Variants in PTPRM observed in about 807,000 individuals in gnomAD.
PTPRM encodes receptor-type tyrosine-protein phosphatase mu.
Under a neutral mutation model 186.7 loss-of-function variants are expected in PTPRM, and 47 were observed. The observed-to-expected ratio is 0.25, with a 90% confidence interval of 0.20 to 0.32. The LOEUF is 0.32. Ranked by LOEUF, PTPRM falls within the 10% of genes least tolerant of loss-of-function variation. The pLI is 1.00. For synonymous variants in PTPRM, 668 were observed against 674.9 expected, an observed-to-expected ratio of 0.99 and a Z score of 0.16; for missense variants, 1,494 against 1,865.0, an observed-to-expected ratio of 0.80 and a Z score of 3.66.
intron 14 of PTPRM, among the ~76,000 whole-genome samples, chr18:8,240,667 AAG>A (rs2094416576): frequency 8.4e-5 from 5 of 59,406 alleles, no homozygotes; most frequent in South Asian, 4.5e-4. Flanking sequence ...GAAAGAAAGA[AAG>A]AAAGAAAGAA....
chr18:7,596,961 C>T (rs1236035136), intron 1 of PTPRM, among the ~76,000 whole-genome samples: 1 of 151,944 alleles, frequency 6.6e-6, no homozygotes, highest in African/African-American at 2.4e-5. Flanking sequence ...TCAAGCGATT[C>T]TCGTGCTTCA....
chr18:7,745,605 A>G (rs1045388953), intron 1 of PTPRM, among the ~76,000 whole-genome samples: 1 of 152,230 alleles, frequency 6.6e-6, no homozygotes, highest in African/African-American at 2.4e-5. Context: ...TACTGATTAG[A>G]TCAATGTGGG....
At chr18:7,994,441 G>T (rs2083429899) in intron 7 of PTPRM, among the ~76,000 whole-genome samples, 1 of 152,058 alleles carries the variant, frequency 6.6e-6, no homozygotes, top group Non-Finnish European at 1.5e-5. Context: ...AATCAACAAA[G>T]AAATATTGGA....
intron 23 of PTPRM, among the ~76,000 whole-genome samples, chr18:8,365,590 C>G (rs2095623812): frequency 6.6e-6 from 1 of 152,222 alleles, no homozygotes; most frequent in African/African-American, 2.4e-5. Context: ...GTTAATCAAA[C>G]CACACTGATA....
At chr18:7,879,319 G>A (rs1364912553) in intron 2 of PTPRM, among the ~76,000 whole-genome samples, 2 of 152,150 alleles carry the variant, frequency 1.3e-5, no homozygotes, top group Non-Finnish European at 2.9e-5. Context: ...ACTTCTGGTT[G>A]TTACTTATGT....
chr18:7,595,331 T>TG (rs1225165607), intron 1 of PTPRM, among the ~76,000 whole-genome samples: 1 of 152,182 alleles, frequency 6.6e-6, no homozygotes, highest in East Asian at 1.9e-4. Flanking sequence ...TAAGCAACAT[T>TG]GATGCTTTCC....
Position 8,296,507 on chromosome 18 carries a change from A to G in PTPRM, c.2842+52A>G, listed in dbSNP as rs73939420. 0.013 allele frequency: 17,295 copies of G among 1,347,380 alleles called. 1,244 individuals are homozygous for G. The African/African-American group carries it at 0.18, about 14-fold the overall frequency. The allele number at this position is 1,347,380 out of a possible 1,614,324, so 83.5% of individuals were successfully genotyped here. ...GTTGTAGAACTTCCTTTTTGCATCTAGTAAGATTGACCACCAGGCTCATAC... is the reference window on the plus strand; with the variant it reads ...GTTGTAGAACTTCCTTTTTGCATCTGGTAAGATTGACCACCAGGCTCATAC... On this transcript the variant is annotated intron_variant, in intron 20 of 32. Transcript: ENST00000580170.
At chr18:7,980,933 C>T (rs1267100954) in intron 7 of PTPRM, among the ~76,000 whole-genome samples, 2 of 152,176 alleles carry the variant, frequency 1.3e-5, no homozygotes, top group African/African-American at 4.8e-5. Flanking sequence ...TGAGTTGAGC[C>T]ATCGAAGGCA....
chr18:8,233,901 T>C (rs1009562533), intron 14 of PTPRM, among the ~76,000 whole-genome samples: 2 of 152,188 alleles, frequency 1.3e-5, no homozygotes, highest in Non-Finnish European at 1.5e-5. Flanking sequence ...TGTTGTCCAT[T>C]GTAGTACCCT....
intron 1 of PTPRM, among the ~76,000 whole-genome samples, chr18:7,650,627 T>C (rs1361646552): frequency 6.6e-6 from 1 of 152,106 alleles, no homozygotes; most frequent in East Asian, 1.9e-4. Flanking sequence ...ACATTCTTAT[T>C]CCTAGAAGGA....
Position 7,703,676 on chromosome 18 carries a change from C to T in PTPRM, c.74-70473C>T, listed in dbSNP as rs141108430. Among the ~76,000 whole-genome samples the T allele has an allele frequency of 8.4e-3, 1,274 of 152,254 alleles. 22 individuals are homozygous for T. Among genetic ancestry groups the T allele is most frequent in the African/African-American group, 0.029 (1,219 of 41,522 alleles). On this transcript the variant is annotated intron_variant, in intron 1 of 32. Transcript: ENST00000580170. ...GAATACCCTTTATTTCTTTCTCTTG[C>T]CTGATTGCCCTGGCCAGAACTTCCA...
intron 1 of PTPRM, among the ~76,000 whole-genome samples, chr18:7,665,904 G>A (rs1568015630): frequency 6.6e-6 from 1 of 151,710 alleles, no homozygotes; most frequent in South Asian, 2.1e-4. Context: ...CCTGGTGACA[G>A]AGCAAGACTC....
rs527383516 is a variant in PTPRM, at chr18:7,768,838, G to A, written c.74-5311G>A. ...ATTTTGTATTTTTAGTAGAGATGGG[G>A]TTTCTCCATGTTGGTCAGGCTAGTC... On this transcript the variant is annotated intron_variant, in intron 1 of 32. Transcript: ENST00000580170. 9.9e-5 allele frequency among the ~76,000 whole-genome samples: 15 copies of A among 152,040 alleles called. No individual in the cohort carries two copies. The South Asian group carries it at 3.1e-3, about 32-fold the overall frequency.
intron 20 of PTPRM, among the ~76,000 whole-genome samples, chr18:8,296,835 A>G (rs185721729): frequency 2.0e-5 from 3 of 152,328 alleles, no homozygotes; most frequent in Non-Finnish European, 1.5e-5. Context: ...TTCTCAGCAA[A>G]CATTAACTCA....
At chr18:7,890,971 A>G (rs2049042968) in intron 3 of PTPRM, among the ~76,000 whole-genome samples, 1 of 152,156 alleles carries the variant, frequency 6.6e-6, no homozygotes, top group South Asian at 2.1e-4. Context: ...ATCCTGAAAT[A>G]AATACTTAAG....
At chr18:8,102,581 C>G (rs903939827) in intron 11 of PTPRM, among the ~76,000 whole-genome samples, 3 of 152,194 alleles carry the variant, frequency 2.0e-5, no homozygotes, top group Admixed American at 1.3e-4. Context: ...GAGATTGCAG[C>G]AATTCAGTCA....
At chr18:8,180,094 G>GTTC (rs2093553272) in intron 14 of PTPRM, among the ~76,000 whole-genome samples, 1 of 152,122 alleles carries the variant, frequency 6.6e-6, no homozygotes, top group South Asian at 2.1e-4. Context: ...AAGAGGAATT[G>GTTC]TTCTAGGGGT....
chr18:8,139,272 A>G (rs2092708489), intron 13 of PTPRM, among the ~76,000 whole-genome samples: 1 of 151,988 alleles, frequency 6.6e-6, no homozygotes, highest in African/African-American at 2.4e-5. Flanking sequence ...TTGTTATCCT[A>G]ACACACTCGA....
intron 13 of PTPRM, 133 bp downstream of exon 13, chr18:8,114,960 TGCATGA>T: frequency 1.6e-6 from 1 of 633,258 alleles, no homozygotes; most frequent in Non-Finnish European, 2.7e-6. Context: ...TATATATATA[TGCATGA>T]ATGCATGTAT....
Sources: gnomAD v4.1 joint callset for allele counts (sites outside exome capture counted in the v4.1 genomes callset) on GRCh38, gnomAD v4.1.1 for gene constraint, MANE v1.5 for transcripts, NCBI Gene and HGNC (gene_info 2026-07-23, HGNC 2026-07-21) for gene names.